The following KCNQ1 variants were observed in gnomAD, a reference collection of about 807,000 sequenced individuals.
KCNQ1 encodes the protein potassium voltage-gated channel subfamily KQT member 1.
In KCNQ1, 49 loss-of-function variants were observed where a neutral mutation model predicts 72.4. The ratio of observed to expected loss-of-function variants is 0.68; its 90% CI spans 0.54 to 0.86. The LOEUF (loss-of-function observed/expected upper bound fraction) is 0.86. KCNQ1 is among the 40% of genes least tolerant of loss of function. The pLI, the probability that KCNQ1 is intolerant of heterozygous loss-of-function variation, is 0.00. For synonymous variants in KCNQ1, 450 were observed against 412.6 expected, an observed-to-expected ratio of 1.09 and a Z score of -1.10; for missense variants, 790 against 945.1, an observed-to-expected ratio of 0.84 and a Z score of 2.15.
At chr11:2,802,712 C>T (rs929423227) in intron 15 of KCNQ1, among the ~76,000 whole-genome samples, 8 of 152,154 alleles carry the variant, frequency 5.3e-5, no homozygotes, top group African/African-American at 1.4e-4. Flanking sequence ...GGGCTGGGTC[C>T]AGGAAGGAGG....
rs1280785208 is a variant in KCNQ1, at chr11:2,648,779, T to C, written c.1394-13182T>C. Reference sequence around the variant, plus strand: ...CCTTGTTGATATTTTTCCATCCAAATGAATTGTCCAATGCTGAGTATGAAA... The same window carrying C: ...CCTTGTTGATATTTTTCCATCCAAACGAATTGTCCAATGCTGAGTATGAAA... On this transcript the variant is annotated intron_variant, in intron 10 of 15. Transcript: ENST00000155840. 5 of 398,392 alleles carry C rather than the reference T, an allele frequency of 1.3e-5. No homozygotes were observed. In the Admixed American group the frequency reaches 1.3e-4, roughly 11 times the overall value. 24.7% of individuals were successfully genotyped at this position (398,392 alleles called of 1,614,324 possible).
intron 10 of KCNQ1, chr11:2,618,212 C>T (rs530231249): frequency 2.0e-5 from 8 of 398,302 alleles, no homozygotes; most frequent in African/African-American, 4.1e-5. Context: ...TGTAAGGCAG[C>T]GATATCAAAT....
intron 10 of KCNQ1, among the ~76,000 whole-genome samples, chr11:2,591,140 G>A: frequency 6.6e-6 from 1 of 152,252 alleles, no homozygotes; most frequent in East Asian, 1.9e-4. Flanking sequence ...TGGCAGAGAG[G>A]GGACAAACCC....
chr11:2,834,470 G>A (rs1848020662), intron 15 of KCNQ1, among the ~76,000 whole-genome samples: 1 of 152,208 alleles, frequency 6.6e-6, no homozygotes, highest in South Asian at 2.1e-4. Context: ...AGCATCCACT[G>A]CCAGCCTCTG....
At chr11:2,727,430 C>A (rs1201619005) in intron 11 of KCNQ1, among the ~76,000 whole-genome samples, 1 of 152,182 alleles carries the variant, frequency 6.6e-6, no homozygotes, top group Non-Finnish European at 1.5e-5. Context: ...GACCACCAGG[C>A]CTTGTGCAGG....
rs1589954407 is a variant in KCNQ1 at position 2,566,880 on chromosome 11, G to A, written c.478-3748G>A. On this transcript the variant is annotated intron_variant, in intron 2 of 15. Coordinates refer to ENST00000155840, the MANE Select transcript of KCNQ1 (RefSeq NM_000218.3). The surrounding 1 kb of genome is among the most constrained non-coding windows in gnomAD (Gnocchi z 6.7). ...TTGTTATCAGTGGGGGAGTCAGGAA[G>A]TACCCCGGTTCTGTACCTGTAGTGG... 6.6e-6 allele frequency among the ~76,000 whole-genome samples: 1 copy of A among 151,616 alleles called. No homozygotes were observed. The highest frequency in any genetic ancestry group is 2.4e-5 in the African/African-American group (1 of 41,208).
At chr11:2,606,892 A>AT (rs869121696) in intron 10 of KCNQ1, among the ~76,000 whole-genome samples, 1,521 of 82,754 alleles carry the variant, frequency 0.018, 269 homozygotes, top group Non-Finnish European at 0.023. Flanking sequence ...ATTATCTGTG[A>AT]TTTTTTTTTT....
At chr11:2,465,728 G>A (rs191405515) in intron 1 of KCNQ1, among the ~76,000 whole-genome samples, 3 of 152,326 alleles carry the variant, frequency 2.0e-5, no homozygotes, top group East Asian at 1.9e-4. Context: ...GAAGGTTTAC[G>A]GAGGAGTGGC....
chr11:2,556,646 A>G (rs918573973), intron 2 of KCNQ1, among the ~76,000 whole-genome samples: 7 of 152,222 alleles, frequency 4.6e-5, no homozygotes, highest in Non-Finnish European at 7.3e-5. Context: ...TATGAAGACA[A>G]TGTTGGAGGT....
At chr11:2,496,748 C>T (rs1426089920) in intron 1 of KCNQ1, among the ~76,000 whole-genome samples, 1 of 151,946 alleles carries the variant, frequency 6.6e-6, no homozygotes, top group Admixed American at 6.6e-5. Flanking sequence ...GGTTATTCTG[C>T]ACATTAGTTG....
Position 2,752,451 on chromosome 11 carries a change from T to C in KCNQ1, c.1515-16393T>C, listed in dbSNP as rs1273619224. Among the ~76,000 whole-genome samples the C allele has an allele frequency of 6.6e-6, 1 of 152,164 alleles. No homozygotes were observed. The highest frequency in any genetic ancestry group is 1.5e-5 in the Non-Finnish European group (1 of 68,030). On this transcript the variant is annotated intron_variant, in intron 11 of 15. Coordinates refer to ENST00000155840, the MANE Select transcript of KCNQ1 (RefSeq NM_000218.3). The surrounding 1 kb of genome is among the most constrained non-coding windows in gnomAD (Gnocchi z 5.2). Reference sequence around the variant, plus strand: ...ACCTAGTGTCTTAATCTGTTCAGTCTGCTATAACCAAATACCTTAGACCTG... The same window carrying C: ...ACCTAGTGTCTTAATCTGTTCAGTCCGCTATAACCAAATACCTTAGACCTG...
At position 2,659,939 on chromosome 11, in the gene KCNQ1, A is replaced by G. The variant is rs993066529; in HGVS notation, c.1394-2022A>G. 10 of 398,314 alleles carry G rather than the reference A, an allele frequency of 2.5e-5. No homozygotes were observed. The highest frequency in any genetic ancestry group is 2.1e-4 in the African/African-American group (10 of 48,610). The allele number at this position is 398,314 out of a possible 1,614,324, so 24.7% of individuals were successfully genotyped here. A position where few individuals can be genotyped will look rare whatever the true frequency, so the allele number is the denominator to read the frequency against. On this transcript the variant is annotated intron_variant, in intron 10 of 15. Transcript: ENST00000155840. The surrounding 1 kb of genome is among the most constrained non-coding windows in gnomAD (Gnocchi z 4.3). ...GCATTCTTTATATATTCTGAGTGCA[A>G]GTCCTTGACCTGATAGGTGATATGC...
chr11:2,456,613 AC>A (rs1327800213), intron 1 of KCNQ1, among the ~76,000 whole-genome samples: 3 of 152,014 alleles, frequency 2.0e-5, no homozygotes, highest in Admixed American at 1.3e-4. Flanking sequence ...AAGCAAAAAA[AC>A]AACCCCATTA....
Position 2,541,237 on chromosome 11 carries a change from G to C in KCNQ1, c.477+13219G>C, listed in dbSNP as rs544531070. Among the ~76,000 whole-genome samples, 1 of 152,356 alleles carries C rather than the reference G, an allele frequency of 6.6e-6. No homozygotes were observed. Among genetic ancestry groups the C allele is most frequent in the African/African-American group, 2.4e-5 (1 of 41,590 alleles). ...GAGAACAAAATGTCAAGTGTGTGCC[G>C]AGAGGCGCAGGCCAGCCCCTTTTCC... On this transcript the variant is annotated intron_variant, in intron 2 of 15. Transcript: ENST00000155840. The surrounding 1 kb of genome is among the most constrained non-coding windows in gnomAD (Gnocchi z 4.8).
chr11:2,719,788 T>C (rs190168131), intron 11 of KCNQ1, among the ~76,000 whole-genome samples: 74 of 152,328 alleles, frequency 4.9e-4, no homozygotes, highest in Admixed American at 4.4e-3. Flanking sequence ...GGTGCAGAGC[T>C]TCGGAGCCAA....
At chr11:2,517,445 G>A (rs567896174) in intron 1 of KCNQ1, among the ~76,000 whole-genome samples, 2 of 152,272 alleles carry the variant, frequency 1.3e-5, no homozygotes, top group Admixed American at 6.5e-5. Flanking sequence ...TTTGGGGCGC[G>A]TTCCCCAGGG....
chr11:2,792,559 G>A (rs1847048584), intron 15 of KCNQ1, among the ~76,000 whole-genome samples: 2 of 152,178 alleles, frequency 1.3e-5, no homozygotes, highest in African/African-American at 4.8e-5. Flanking sequence ...GGGCTGCCAG[G>A]AAAAGGTCTG....
chr11:2,668,150 G>C lies in KCNQ1; in HGVS notation c.1514+6069G>C. The C allele has an allele frequency of 2.5e-6, 1 of 398,636 alleles. No individual in the cohort carries two copies. 24.7% of individuals were successfully genotyped at this position (398,636 alleles called of 1,614,324 possible). ...GCCTCTCTATGGGGCTGAAGGGAGA[G>C]TGCTCCCTCATGCTCCTTGCTGACT... is the stretch of plus-strand genomic sequence containing the variant. On this transcript the variant is annotated intron_variant, in intron 11 of 15. Coordinates refer to ENST00000155840, the MANE Select transcript of KCNQ1 (RefSeq NM_000218.3). The surrounding 1 kb of genome is among the most constrained non-coding windows in gnomAD (Gnocchi z 4.3).
At chr11:2,503,097 A>G (rs1228571461) in intron 1 of KCNQ1, among the ~76,000 whole-genome samples, 1 of 152,230 alleles carries the variant, frequency 6.6e-6, no homozygotes, top group East Asian at 1.9e-4. Context: ...AAGACATTGG[A>G]GAAACTCTCC....
Sources: allele counts gnomAD v4.1 joint callset (sites outside exome capture counted in the v4.1 genomes callset), GRCh38; gene constraint gnomAD v4.1.1; non-coding constraint Gnocchi (gnomAD v3.1); transcripts MANE v1.5; gene names NCBI Gene and HGNC (gene_info 2026-07-23, HGNC 2026-07-21).